Variants in ADAMTSL3 observed in about 807,000 individuals in gnomAD.
The protein encoded by ADAMTSL3 is ADAMTS-like protein 3.
In ADAMTSL3, 128 loss-of-function variants were observed where a neutral mutation model predicts 201.7. The ratio of observed to expected loss-of-function variants is 0.63; its 90% CI spans 0.55 to 0.73. The LOEUF (loss-of-function observed/expected upper bound fraction) is 0.73. Among genes scored for constraint, ADAMTSL3 ranks in the 30% least tolerant of loss-of-function variants. The pLI, the probability that ADAMTSL3 is intolerant of heterozygous loss-of-function variation, is 0.00. For synonymous variants in ADAMTSL3, 738 were observed against 748.4 expected (o/e 0.99, Z 0.23); for missense variants, 1,990 against 2,119.6 (o/e 0.94, Z 1.20).
At chr15:84,027,405 C>G (rs1046031896) in intron 27 of ADAMTSL3, among the ~76,000 whole-genome samples, 4 of 152,180 alleles carry the variant, frequency 2.6e-5, no homozygotes, top group Non-Finnish European at 4.4e-5. Flanking sequence ...CATTCAGGAT[C>G]TATATCCTAG....
Position 83,934,606 on chromosome 15 carries a change from AT to A in ADAMTSL3, c.2118-7989del, listed in dbSNP as rs1380793862. Among the ~76,000 whole-genome samples, 3 of 152,164 alleles carry A rather than the reference AT, an allele frequency of 2.0e-5. 1 individual carries two copies. Among genetic ancestry groups the A allele is most frequent in the Admixed American group, 2.0e-4 (3 of 15,268 alleles). On this transcript the variant is annotated intron_variant, in intron 17 of 29. Transcript: ENST00000286744. ...CATGAGATTTGCGAGAGGGGATGAA[AT>A]GATATGGTTAGGCTTTGTGTCCCCA... is the stretch of plus-strand genomic sequence containing the variant.
intron 19 of ADAMTSL3, among the ~76,000 whole-genome samples, chr15:83,944,985 A>G (rs1040595160): frequency 6.6e-6 from 1 of 152,196 alleles, no homozygotes; most frequent in African/African-American, 2.4e-5. Context: ...TTCCTGTTTT[A>G]ACCGTGTAGT....
intron 3 of ADAMTSL3, among the ~76,000 whole-genome samples, chr15:83,708,666 TA>T (rs2061888727): frequency 6.6e-6 from 1 of 152,150 alleles, no homozygotes; most frequent in South Asian, 2.1e-4. Context: ...TTATTTCTTT[TA>T]AAAAACAAAG....
chr15:83,935,742 T>C (rs1260140883), intron 17 of ADAMTSL3, among the ~76,000 whole-genome samples: 1 of 152,172 alleles, frequency 6.6e-6, no homozygotes, highest in Non-Finnish European at 1.5e-5. Flanking sequence ...AGCCTAGAAT[T>C]GTATACTTAT....
intron 16 of ADAMTSL3, among the ~76,000 whole-genome samples, chr15:83,916,715 G>A (rs973644576): frequency 2.6e-5 from 4 of 152,076 alleles, no homozygotes; most frequent in African/African-American, 9.7e-5. Flanking sequence ...GGAGGCTGAG[G>A]CAGGAGGATC....
chr15:83,814,567 A>T (rs2063744939), intron 5 of ADAMTSL3, among the ~76,000 whole-genome samples: 1 of 152,110 alleles, frequency 6.6e-6, no homozygotes, highest in African/African-American at 2.4e-5. Context: ...TCCATCTGAG[A>T]TTTCACTTTT....
intron 19 of ADAMTSL3, among the ~76,000 whole-genome samples, chr15:83,966,988 A>G (rs973542042): frequency 1.3e-5 from 2 of 152,220 alleles, no homozygotes; most frequent in African/African-American, 4.8e-5. Context: ...ACACCCCTTC[A>G]TGCTAAAAAC....
At chr15:84,017,921 T>C (rs1183681660) in intron 25 of ADAMTSL3, among the ~76,000 whole-genome samples, 3 of 152,146 alleles carry the variant, frequency 2.0e-5, no homozygotes, top group African/African-American at 4.8e-5. Flanking sequence ...CAAAGTACAA[T>C]GGTAGCACTG....
rs530453206 is a variant in ADAMTSL3, at chr15:83,864,296, C to A, written c.802+5456C>A. 7.4e-4 allele frequency among the ~76,000 whole-genome samples: 112 copies of A among 152,272 alleles called. 1 individual carries two copies. The highest frequency in any genetic ancestry group is 1.1e-3 in the Non-Finnish European group (74 of 68,014). Reference sequence around the variant, plus strand: ...GCATCATCCTGATACCAAAGCCTGGCAGAGACACAACCAAAAAAGAGAATT... The same window carrying A: ...GCATCATCCTGATACCAAAGCCTGGAAGAGACACAACCAAAAAAGAGAATT... On this transcript the variant is annotated intron_variant, in intron 8 of 29. Transcript: ENST00000286744.
rs141159300 is a variant in ADAMTSL3 at position 83,794,889 on chromosome 15, G to A, written c.318-9761G>A. Among the ~76,000 whole-genome samples the A allele has an allele frequency of 4.3e-3, 657 of 152,160 alleles. 1 individual carries two copies. The highest frequency in any genetic ancestry group is 6.7e-3 in the Non-Finnish European group (455 of 68,010). On this transcript the variant is annotated intron_variant, in intron 4 of 29. Transcript: ENST00000286744. ...ATTATTTGAGATGGAGTCTCACTCC[G>A]TTGTCCAGGCTTGAGTACAGCGGCA...
chr15:83,906,618 CACACCACACACACACA>C (rs2065839125), intron 15 of ADAMTSL3, among the ~76,000 whole-genome samples: 5 of 25,628 alleles, frequency 2.0e-4, no homozygotes, highest in African/African-American at 9.1e-4. Flanking sequence ...TATAGTGCCA[CACACCACACACACACA>C]CACACACACA....
At chr15:83,731,237 G>T (rs1034238876) in intron 3 of ADAMTSL3, among the ~76,000 whole-genome samples, 1 of 151,910 alleles carries the variant, frequency 6.6e-6, no homozygotes, top group African/African-American at 2.4e-5. Flanking sequence ...CAACTAACTG[G>T]ATTAAAAAAT....
intron 9 of ADAMTSL3, among the ~76,000 whole-genome samples, chr15:83,880,463 T>C (rs753512241): frequency 5.9e-5 from 9 of 152,208 alleles, no homozygotes; most frequent in Non-Finnish European, 7.3e-5. Flanking sequence ...ACTAGCAGAA[T>C]TGAATAGTTG....
rs566638141 is a variant in ADAMTSL3, at chr15:83,774,541, C to T, written c.317+891C>T. Among the ~76,000 whole-genome samples the T allele has an allele frequency of 4.6e-5, 7 of 152,270 alleles. No homozygotes were observed. The South Asian group carries it at 6.2e-4, about 14-fold the overall frequency. On this transcript the variant is annotated intron_variant, in intron 4 of 29. Coordinates refer to ENST00000286744, the MANE Select transcript of ADAMTSL3 (RefSeq NM_207517.3). ...GTGGCCTTTGAGAAGAAAGACTCAC[C>T]GGTCTGCTCCAGGAAGGCCTGGGAA... is the stretch of plus-strand genomic sequence containing the variant.
chr15:83,751,737 A>C (rs772229284), intron 3 of ADAMTSL3, among the ~76,000 whole-genome samples: 2 of 152,200 alleles, frequency 1.3e-5, no homozygotes, highest in African/African-American at 4.8e-5. Flanking sequence ...CATCCTCTTT[A>C]TGGAGTTACT....
intron 23 of ADAMTSL3, among the ~76,000 whole-genome samples, chr15:84,002,069 A>G (rs1299611524): frequency 6.6e-6 from 1 of 152,218 alleles, no homozygotes; most frequent in African/African-American, 2.4e-5. Context: ...CTGAAGCTCT[A>G]TTTTGAGTGC....
intron 8 of ADAMTSL3, 119 bp downstream of exon 8, chr15:83,858,959 A>G (rs987582754): frequency 8.3e-5 from 63 of 758,418 alleles, no homozygotes; most frequent in Admixed American, 5.0e-4. Context: ...CTCTAAGTTA[A>G]TGGGTAATGT....
At chr15:83,682,626 A>G (rs1468417545) in intron 2 of ADAMTSL3, among the ~76,000 whole-genome samples, 1 of 152,208 alleles carries the variant, frequency 6.6e-6, no homozygotes, top group Non-Finnish European at 1.5e-5. Flanking sequence ...ATGGGAGAAC[A>G]TTGGTGTTAA....
At chr15:83,988,604 G>A (rs988179729) in intron 21 of ADAMTSL3, 87 bp from the exon 22 acceptor site, 13 of 1,215,860 alleles carry the variant, frequency 1.1e-5, no homozygotes, top group African/African-American at 1.5e-5. Context: ...GCCTGTAATG[G>A]TGCAGTCTTC....
Sources: allele counts gnomAD v4.1 joint callset (sites outside exome capture counted in the v4.1 genomes callset), GRCh38; gene constraint gnomAD v4.1.1; transcripts MANE v1.5; gene names NCBI Gene and HGNC (gene_info 2026-07-23, HGNC 2026-07-21).